The following GSTCD variants were observed in gnomAD, a reference collection of about 807,000 sequenced individuals.
GSTCD encodes glutathione S-transferase C-terminal domain-containing protein.
A neutral mutation model predicts 68.3 loss-of-function variants in GSTCD; 44 were observed. That is an observed-to-expected ratio of 0.64 (90% CI 0.51 to 0.83). GSTCD has a LOEUF of 0.83. Ranked by LOEUF, GSTCD falls within the 40% of genes least tolerant of loss-of-function variation. The pLI, the probability that GSTCD is intolerant of heterozygous loss-of-function variation, is 0.00. For synonymous variants in GSTCD, 273 were observed against 255.2 expected, an observed-to-expected ratio of 1.07 and a Z score of -0.67; for missense variants, 739 against 735.9, an observed-to-expected ratio of 1.00 and a Z score of -0.05.
At chr4:105,757,866 T>G (rs144760919) in intron 5 of GSTCD, among the ~76,000 whole-genome samples, 2 of 152,294 alleles carry the variant, frequency 1.3e-5, no homozygotes, top group East Asian at 3.9e-4. Flanking sequence ...TCAATATAAA[T>G]GAACCATTTC....
At chr4:105,815,192 G>A (rs1722924823) in intron 5 of GSTCD, 1 of 152,086 alleles carries the variant, frequency 6.6e-6, no homozygotes, top group Non-Finnish European at 1.5e-5. Flanking sequence ...CTGCAGTTTG[G>A]TTAGGGCTTG....
At chr4:105,749,609 CAA>C (rs796071636) in intron 5 of GSTCD, among the ~76,000 whole-genome samples, 57 of 113,528 alleles carry the variant, frequency 5.0e-4, no homozygotes, top group Admixed American at 8.0e-4. Context: ...CATCCATAGG[CAA>C]AAAAAAAAAA....
At chr4:105,804,181 A>G (rs956879133) in intron 5 of GSTCD, among the ~76,000 whole-genome samples, 3 of 152,044 alleles carry the variant, frequency 2.0e-5, no homozygotes, top group Non-Finnish European at 4.4e-5. Context: ...GTGATTCATT[A>G]TTGTTATTAT....
chr4:105,815,631 G>A (rs1170957156), intron 5 of GSTCD, among the ~76,000 whole-genome samples: 1 of 152,124 alleles, frequency 6.6e-6, no homozygotes, highest in East Asian at 1.9e-4. Context: ...CATCATTTCA[G>A]ACTACTACAG....
At chr4:105,824,479 C>T (rs572305369) in intron 7 of GSTCD, among the ~76,000 whole-genome samples, 2 of 152,144 alleles carry the variant, frequency 1.3e-5, no homozygotes, top group Non-Finnish European at 2.9e-5. Flanking sequence ...AAGCCTTTCA[C>T]ACCAAGTATA....
At chr4:105,813,409 C>T (rs1034485453) in intron 5 of GSTCD, among the ~76,000 whole-genome samples, 1 of 152,096 alleles carries the variant, frequency 6.6e-6, no homozygotes, top group Non-Finnish European at 1.5e-5. Context: ...GTACTTATTA[C>T]AAACTTTGTT....
chr4:105,842,579 C>T (rs1308045000), intron 11 of GSTCD, among the ~76,000 whole-genome samples: 1 of 152,000 alleles, frequency 6.6e-6, no homozygotes, highest in Non-Finnish European at 1.5e-5. Context: ...ATTTGTTTGA[C>T]AATATTAAAT....
intron 5 of GSTCD, among the ~76,000 whole-genome samples, chr4:105,797,222 TA>T (rs764688044): frequency 6.6e-6 from 1 of 152,048 alleles, no homozygotes; most frequent in Non-Finnish European, 1.5e-5. Context: ...TTTTTCTTGT[TA>T]TTTTTTTTTC....
In GSTCD at chr4:105,824,620, A is replaced by G. The variant is rs563970186; in HGVS notation, c.1402-1052A>G. Among the ~76,000 whole-genome samples the G allele has an allele frequency of 2.0e-5, 3 of 152,288 alleles. No individual in the cohort carries two copies. In the East Asian group the frequency reaches 5.8e-4, roughly 29 times the overall value. On this transcript the variant is annotated intron_variant, in intron 7 of 11. Coordinates refer to ENST00000515279, the MANE Select transcript of GSTCD (RefSeq NM_001370181.1). ...TCCATTCAAACCATCTTCTCTGCCTAGATTATCACTGGAGTCTCCTAACTG... is the reference window on the plus strand; with the variant it reads ...TCCATTCAAACCATCTTCTCTGCCTGGATTATCACTGGAGTCTCCTAACTG...
chr4:105,792,527 T>A (rs1735717893), intron 5 of GSTCD, among the ~76,000 whole-genome samples: 1 of 152,044 alleles, frequency 6.6e-6, no homozygotes, highest in African/African-American at 2.4e-5. Flanking sequence ...TAGTCAATAC[T>A]TAAGAAATCA....
At chr4:105,772,572 G>A (rs762768164) in intron 5 of GSTCD, among the ~76,000 whole-genome samples, 52 of 152,214 alleles carry the variant, frequency 3.4e-4, no homozygotes, top group Admixed American at 7.2e-4. Flanking sequence ...ATGAAGTGGT[G>A]TGGAATTTTA....
chr4:105,811,605 A>G (rs992569451), intron 5 of GSTCD, among the ~76,000 whole-genome samples: 1 of 151,438 alleles, frequency 6.6e-6, no homozygotes, highest in East Asian at 2.0e-4. Flanking sequence ...TGGGTGCAGC[A>G]CACCAGCGTG....
At chr4:105,770,039 G>T (rs984647643) in intron 5 of GSTCD, among the ~76,000 whole-genome samples, 1 of 152,192 alleles carries the variant, frequency 6.6e-6, no homozygotes, top group Non-Finnish European at 1.5e-5. Context: ...GATTACAGGT[G>T]TGAACCACCA....
chr4:105,713,817 T>G (rs1732607870), intron 1 of GSTCD, among the ~76,000 whole-genome samples: 1 of 151,608 alleles, frequency 6.6e-6, no homozygotes, highest in Non-Finnish European at 1.5e-5. Flanking sequence ...CACTTTTTGG[T>G]CTTCATTATA....
chr4:105,750,456 G>A (rs1013862429), intron 5 of GSTCD, among the ~76,000 whole-genome samples: 7 of 130,398 alleles, frequency 5.4e-5, no homozygotes, highest in East Asian at 2.2e-4. Flanking sequence ...GCGAAACTCC[G>A]TCTCAAAAAA....
intron 1 of GSTCD, among the ~76,000 whole-genome samples, chr4:105,716,879 T>G (rs2149203901): frequency 6.6e-6 from 1 of 152,184 alleles, no homozygotes; most frequent in Non-Finnish European, 1.5e-5. Flanking sequence ...TTGCAGAAAC[T>G]TTGGCTTTTC....
chr4:105,749,943 T>C (rs1733949301), intron 5 of GSTCD, among the ~76,000 whole-genome samples: 1 of 152,106 alleles, frequency 6.6e-6, no homozygotes, highest in Non-Finnish European at 1.5e-5. Flanking sequence ...AGAACTTGGA[T>C]CAAGATATAT....
rs183554479 is a variant in GSTCD, at chr4:105,807,681, A to C, written c.1241-15273A>C. Among the ~76,000 whole-genome samples, 145 of 152,234 alleles carry C rather than the reference A, an allele frequency of 9.5e-4. 2 individuals are homozygous for C. The highest frequency in any genetic ancestry group is 6.8e-3 in the Middle Eastern group (2 of 294). On this transcript the variant is annotated intron_variant, in intron 5 of 11. Coordinates refer to ENST00000515279, the MANE Select transcript of GSTCD (RefSeq NM_001370181.1). ...ATTTTGGCCAGCATACTATAGAGCT[A>C]ATGGTGTATGCCTTGAGTATACCAC...
At chr4:105,809,872 G>T (rs1455047907) in intron 5 of GSTCD, among the ~76,000 whole-genome samples, 1 of 151,642 alleles carries the variant, frequency 6.6e-6, no homozygotes, top group Non-Finnish European at 1.5e-5. Context: ...GTTTTTCTAG[G>T]TTGTATAAAT....
Sources: allele counts gnomAD v4.1 joint callset (sites outside exome capture counted in the v4.1 genomes callset), GRCh38; gene constraint gnomAD v4.1.1; transcripts MANE v1.5; gene names NCBI Gene and HGNC (gene_info 2026-07-23, HGNC 2026-07-21).